SLC1A7: variants seen among roughly 807,000 people sequenced by gnomAD.
The protein encoded by SLC1A7 is solute carrier family 1 member 7, also known as excitatory amino acid transporter 5.
SLC1A7 carries 40 observed loss-of-function variants against 47.7 expected under a neutral mutation model. That is an observed-to-expected ratio of 0.84 (90% CI 0.65 to 1.09). The LOEUF is 1.09. SLC1A7 is among the 50% of genes least tolerant of loss of function. The pLI is 0.00. For missense variants in SLC1A7, 746 were observed against 769.5 expected (o/e 0.97, Z 0.36); for synonymous variants, 323 against 325.6 (o/e 0.99, Z 0.09).
intron 8 of SLC1A7, 41 bp from the exon 9 acceptor site, chr1:53,089,975 C>G (rs567526262): frequency 6.2e-7 from 1 of 1,608,886 alleles, no homozygotes; most frequent in Non-Finnish European, 8.5e-7. Flanking sequence ...GCAGGAGGGG[C>G]AGGGTGCATT....
chr1:53,102,784 C>A (rs1644598246), intron 5 of SLC1A7: 1 of 152,756 alleles, frequency 6.5e-6, no homozygotes, highest in Non-Finnish European at 1.5e-5. Context: ...TTGGAGGGGA[C>A]TTTGGGGGCA....
At chr1:53,115,274 A>G in intron 2 of SLC1A7, 1 of 460,924 alleles carries the variant, frequency 2.2e-6, no homozygotes. Flanking sequence ...TGAGAGATTA[A>G]TTAAGGAAAT....
chr1:53,110,358 C>A (rs4926586), intron 3 of SLC1A7, among the ~76,000 whole-genome samples: 28,189 of 152,116 alleles, frequency 0.19, 3,300 homozygotes, highest in Non-Finnish European at 0.26. Flanking sequence ...CCTGTAGCCC[C>A]GCTCTCTGAC....
chr1:53,137,717 A>G (rs12073825), intron 1 of SLC1A7, among the ~76,000 whole-genome samples: 4,033 of 152,316 alleles, frequency 0.026, 179 homozygotes, highest in African/African-American at 0.092. Flanking sequence ...AAACATTTTA[A>G]CATGTCTACT....
intron 2 of SLC1A7, among the ~76,000 whole-genome samples, chr1:53,122,593 C>T (rs1033485349): frequency 1.3e-5 from 2 of 152,190 alleles, no homozygotes; most frequent in African/African-American, 4.8e-5. Context: ...GCCAAAGCCC[C>T]ACACTCAAGC....
intron 1 of SLC1A7, among the ~76,000 whole-genome samples, chr1:53,137,534 A>T (rs1645014372): frequency 1.3e-5 from 2 of 152,142 alleles, no homozygotes; most frequent in South Asian, 4.1e-4. Flanking sequence ...TTTCAGCATT[A>T]TATTTATATC....
At chr1:53,097,885 C>G (rs1644516597) in intron 5 of SLC1A7, among the ~76,000 whole-genome samples, 1 of 150,906 alleles carries the variant, frequency 6.6e-6, no homozygotes, top group Admixed American at 6.6e-5. Flanking sequence ...CTCACACACC[C>G]TTGCTTCAAT....
chr1:53,113,718 C>A (rs1269532010), intron 3 of SLC1A7, among the ~76,000 whole-genome samples: 1 of 152,122 alleles, frequency 6.6e-6, no homozygotes, highest in Non-Finnish European at 1.5e-5. Flanking sequence ...GTATAAAACT[C>A]ATTTTCTGTG....
intron 2 of SLC1A7, among the ~76,000 whole-genome samples, chr1:53,132,146 T>C (rs1644947714): frequency 6.6e-6 from 1 of 152,116 alleles, no homozygotes; most frequent in South Asian, 2.1e-4. Context: ...ATGCAGGGCC[T>C]CCTAGACCAG....
intron 2 of SLC1A7, among the ~76,000 whole-genome samples, chr1:53,121,577 G>C (rs553394648): frequency 6.6e-6 from 1 of 152,386 alleles, no homozygotes; most frequent in East Asian, 1.9e-4. Flanking sequence ...AGCATGTGGA[G>C]CAGATTTGTA....
intron 2 of SLC1A7, among the ~76,000 whole-genome samples, chr1:53,123,399 A>G (rs1453195084): frequency 2.0e-5 from 3 of 152,116 alleles, no homozygotes; most frequent in African/African-American, 7.2e-5. Flanking sequence ...GGGCGGCAGC[A>G]CAGTTTTCAA....
chr1:53,131,951 G>T (rs1184938624), intron 2 of SLC1A7, among the ~76,000 whole-genome samples: 1 of 152,142 alleles, frequency 6.6e-6, no homozygotes, highest in African/African-American at 2.4e-5. Flanking sequence ...AAGATGATGT[G>T]CAAGTTGAGA....
At chr1:53,092,469 T>A in intron 7 of SLC1A7, 85 bp downstream of exon 7, 1 of 995,562 alleles carries the variant, frequency 1.0e-6, no homozygotes, top group Non-Finnish European at 1.5e-6. Context: ...GGTGGTTCTG[T>A]GGCTATGAAC....
At chr1:53,102,236 TC>T (rs748921133) in intron 5 of SLC1A7, 2 of 152,318 alleles carry the variant, frequency 1.3e-5, no homozygotes, top group Non-Finnish European at 2.9e-5. Flanking sequence ...TTACCCATTG[TC>T]ACCCAGCCGT....
intron 4 of SLC1A7, among the ~76,000 whole-genome samples, chr1:53,104,753 C>T (rs1486140351): frequency 6.6e-6 from 1 of 152,202 alleles, no homozygotes; most frequent in Admixed American, 6.5e-5. Context: ...TGTCCCCAGG[C>T]TCAACACAGG....
chr1:53,092,536 G>T lies in SLC1A7; in HGVS notation c.1031+18C>A, dbSNP rs756582342. On this transcript the variant is annotated intron_variant, in intron 7 of 10. Coordinates refer to ENST00000371494, the MANE Select transcript of SLC1A7 (RefSeq NM_006671.6). ...GCCCCTCCCAGCTCCCCACCGTCCT[G>T]CCCGTCCCCGGGGCTACCTGGAGGA... 32 of 1,582,534 alleles carry T rather than the reference G, an allele frequency of 2.0e-5. No homozygotes were observed. Among genetic ancestry groups the T allele is most frequent in the Non-Finnish European group, 2.6e-5 (30 of 1,151,848 alleles).
intron 3 of SLC1A7, among the ~76,000 whole-genome samples, chr1:53,107,128 CCTGGGGACAGAGTGAGACTCTGA>C (rs1359147897): frequency 2.1e-5 from 3 of 141,026 alleles, no homozygotes; most frequent in African/African-American, 5.4e-5. Flanking sequence ...TGCACTCCAG[CCTGGGGACAGAGTGAGACTCTGA>C]CTAAAAAAAA....
rs1364317580 is a variant in SLC1A7 at position 53,089,787 on chromosome 1, A to AAAGTCC, written c.1361+7_1361+12dup. 1.2e-6 allele frequency: 2 copies of AAAGTCC among 1,613,536 alleles called. No individual in the cohort carries two copies. Among genetic ancestry groups the AAAGTCC allele is most frequent in the Non-Finnish European group, 1.7e-6 (2 of 1,179,848 alleles). ...CTCCCAGAGGGCTAGAGCTAGAGGC[A>AAAGTCC]AAGTCCACTCACAGAGCCCAGTCAA... is the stretch of plus-strand genomic sequence containing the variant. On this transcript the variant is annotated intron_variant, in intron 9 of 10. Coordinates refer to ENST00000371494, the MANE Select transcript of SLC1A7 (RefSeq NM_006671.6).
In SLC1A7 at chr1:53,114,736, G is replaced by T. The variant is rs371940485; in HGVS notation, c.431+22C>A. ...GGCTCGGGCCTGGCGTTCCCAAGCG[G>T]GGTGTGGGTGGCAATAGTTACCGGA... On this transcript the variant is annotated intron_variant, in intron 3 of 10. Transcript: ENST00000371494. The T allele has an allele frequency of 8.7e-6, 14 of 1,606,188 alleles. No individual in the cohort carries two copies. In the East Asian group the frequency reaches 2.0e-4, roughly 23 times the overall value.
Sources: allele counts gnomAD v4.1 joint callset (sites outside exome capture counted in the v4.1 genomes callset), GRCh38; gene constraint gnomAD v4.1.1; transcripts MANE v1.5; gene names NCBI Gene and HGNC (gene_info 2026-07-23, HGNC 2026-07-21).